BCL2: variants seen among roughly 807,000 people sequenced by gnomAD.
The protein encoded by BCL2 is BCL2 apoptosis regulator, also known as apoptosis regulator Bcl-2.
Under a neutral mutation model 14.2 loss-of-function variants are expected in BCL2, and 1 was observed. That is an observed-to-expected ratio of 0.07 (90% CI 0.02 to 0.33). The LOEUF (loss-of-function observed/expected upper bound fraction) is 0.33, where lower values mean the gene tolerates loss of function less well. Among genes scored for constraint, BCL2 ranks in the 10% least tolerant of loss-of-function variants. The pLI is 0.99. For synonymous variants in BCL2, 151 were observed against 137.2 expected (o/e 1.10, Z -0.70); for missense variants, 247 against 305.9 (o/e 0.81, Z 1.44).
intron 2 of BCL2, among the ~76,000 whole-genome samples, chr18:63,281,791 G>C (rs1166279316): frequency 6.6e-6 from 1 of 152,212 alleles, no homozygotes; most frequent in African/African-American, 2.4e-5. Context: ...AACTGTTATT[G>C]TAAGACATCT....
intron 2 of BCL2, among the ~76,000 whole-genome samples, chr18:63,300,133 G>A (rs1161924100): frequency 9.2e-5 from 14 of 152,198 alleles, no homozygotes; most frequent in Non-Finnish European, 1.8e-4. Flanking sequence ...AGTGGGGGAG[G>A]TGGCTCTTCT....
intron 2 of BCL2, among the ~76,000 whole-genome samples, chr18:63,233,947 T>C (rs145895482): frequency 2.0e-3 from 309 of 152,288 alleles, no homozygotes; most frequent in African/African-American, 7.2e-3. Context: ...GGGTACCTGA[T>C]TGTTTGCTAT....
chr18:63,179,131 G>T (rs1915421553), intron 2 of BCL2, among the ~76,000 whole-genome samples: 1 of 152,148 alleles, frequency 6.6e-6, no homozygotes, highest in Non-Finnish European at 1.5e-5. Flanking sequence ...GTGCCCAATG[G>T]CTGTTTTAAC....
chr18:63,154,668 T>A (rs1424351998), intron 2 of BCL2, among the ~76,000 whole-genome samples: 2 of 152,142 alleles, frequency 1.3e-5, no homozygotes, highest in African/African-American at 2.4e-5. Flanking sequence ...GTGAAGCCTT[T>A]CTTGACCAAG....
At chr18:63,209,751 A>G (rs759258972) in intron 2 of BCL2, among the ~76,000 whole-genome samples, 6 of 152,142 alleles carry the variant, frequency 3.9e-5, no homozygotes, top group Non-Finnish European at 8.8e-5. Flanking sequence ...AGAGCGAGGA[A>G]GCTAAGACCT....
At chr18:63,296,515 G>A (rs901743533) in intron 2 of BCL2, among the ~76,000 whole-genome samples, 11 of 152,194 alleles carry the variant, frequency 7.2e-5, no homozygotes, top group Admixed American at 3.9e-4. Flanking sequence ...AGTTGCTCAA[G>A]CTAGTCTTGA....
intron 2 of BCL2, among the ~76,000 whole-genome samples, chr18:63,206,537 C>T (rs1406365353): frequency 5.3e-5 from 8 of 152,212 alleles, no homozygotes; most frequent in South Asian, 2.1e-4. Context: ...CAGTGGGAGA[C>T]GCTCCACATT....
At chr18:63,243,322 T>C (rs955984314) in intron 2 of BCL2, among the ~76,000 whole-genome samples, 4 of 152,014 alleles carry the variant, frequency 2.6e-5, no homozygotes, top group Non-Finnish European at 5.9e-5. Flanking sequence ...TGAGAACACA[T>C]GGACATATAC....
intron 2 of BCL2, among the ~76,000 whole-genome samples, chr18:63,207,410 C>A (rs1035313101): frequency 1.3e-5 from 2 of 152,258 alleles, no homozygotes; most frequent in African/African-American, 4.8e-5. Flanking sequence ...GGGAAACCAG[C>A]GACAGAGCCT....
chr18:63,256,411 T>G (rs1188102483), intron 2 of BCL2, among the ~76,000 whole-genome samples: 1 of 152,164 alleles, frequency 6.6e-6, no homozygotes, highest in Non-Finnish European at 1.5e-5. Context: ...CAGACGGGGT[T>G]TCACCATGTT....
intron 2 of BCL2, among the ~76,000 whole-genome samples, chr18:63,289,322 G>A (rs931792673): frequency 1.3e-5 from 2 of 152,118 alleles, no homozygotes; most frequent in South Asian, 2.1e-4. Flanking sequence ...AGAAATCAGC[G>A]GGGTCACTCC....
chr18:63,136,346 C>T (rs1914205900), intron 2 of BCL2, among the ~76,000 whole-genome samples: 1 of 152,188 alleles, frequency 6.6e-6, no homozygotes, highest in Admixed American at 6.5e-5. Flanking sequence ...ATCATCACTC[C>T]CTCCATCAAG....
At chr18:63,274,772 A>G (rs1568254523) in intron 2 of BCL2, among the ~76,000 whole-genome samples, 1 of 152,028 alleles carries the variant, frequency 6.6e-6, no homozygotes, top group Non-Finnish European at 1.5e-5. Flanking sequence ...CTGCCTCCAA[A>G]CCCACCTTCC....
At chr18:63,212,193 G>A (rs1376644351) in intron 2 of BCL2, among the ~76,000 whole-genome samples, 3 of 151,464 alleles carry the variant, frequency 2.0e-5, no homozygotes, top group South Asian at 2.1e-4. Context: ...GGGCGTGGTG[G>A]CGGGCGCCTG....
Position 63,129,295 on chromosome 18 carries a change from T to TC in BCL2, c.586-537_586-536insG, listed in dbSNP as rs1212558861. On this transcript the variant is annotated intron_variant, in intron 2 of 2. Coordinates refer to ENST00000333681, the MANE Select transcript of BCL2 (RefSeq NM_000633.3). ...CTTTGTACCAAACTTTTTCTTTCTT[T>TC]TTTTTTTTTTAGAGACAAGAGTCTT... 4.6e-5 allele frequency among the ~76,000 whole-genome samples: 7 copies of TC among 151,304 alleles called. No homozygotes were observed. The East Asian group carries it at 5.8e-4, about 13-fold the overall frequency.
At chr18:63,310,423 G>A (rs1458421330) in intron 2 of BCL2, among the ~76,000 whole-genome samples, 1 of 152,148 alleles carries the variant, frequency 6.6e-6, no homozygotes, top group Non-Finnish European at 1.5e-5. Flanking sequence ...TCGCCTGCCT[G>A]TTCTCTAAAA....
chr18:63,318,643 C>T lies in BCL2; in HGVS notation c.24G>A (p.Gly8=). The change falls in exon 2 of 3, where the codon GGG becomes GGA. Residue 8 remains glycine (G), a synonymous_variant. Transcript: ENST00000333681. This position sits in a 1 kb window ranked among gnomAD's most constrained non-coding sequence, Gnocchi z 7.4. Reference sequence around the variant, plus strand: ...TCATCACTATCTCCCGGTTATCGTACCCTGTTCTCCCAGCGTGCGCCATCC... The same window carrying T: ...TCATCACTATCTCCCGGTTATCGTATCCTGTTCTCCCAGCGTGCGCCATCC... The part of the protein sequence containing the change: MAHAGRT[G]YDNREIVMKY... 2 of 1,613,362 alleles carry T rather than the reference C, an allele frequency of 1.2e-6. No individual in the cohort carries two copies. Among genetic ancestry groups the T allele is most frequent in the South Asian group, 1.1e-5 (1 of 91,080 alleles).
chr18:63,316,063 C>T (rs1311548569), intron 2 of BCL2: 1 of 152,588 alleles, frequency 6.6e-6, no homozygotes, highest in African/African-American at 2.4e-5. Context: ...GTAGCCTCTA[C>T]ATTTATCAAC....
intron 2 of BCL2, among the ~76,000 whole-genome samples, chr18:63,278,036 A>G (rs1295645741): frequency 1.3e-5 from 2 of 152,232 alleles, no homozygotes; most frequent in African/African-American, 4.8e-5. Context: ...AAACAAAAGC[A>G]GCTATTTTAA....
Sources: gnomAD v4.1 joint callset for allele counts (sites outside exome capture counted in the v4.1 genomes callset) on GRCh38, gnomAD v4.1.1 for gene constraint, Gnocchi (gnomAD v3.1) non-coding constraint, MANE v1.5 for transcripts, NCBI Gene and HGNC (gene_info 2026-07-23, HGNC 2026-07-21) for gene names.